Variants in SH2B1 observed in about 807,000 individuals in gnomAD.
SH2B1 encodes SH2B adaptor protein 1.
Under a neutral mutation model 62.6 loss-of-function variants are expected in SH2B1, and 15 were observed. The ratio of observed to expected loss-of-function variants is 0.24; its 90% confidence interval spans 0.16 to 0.37. The LOEUF (loss-of-function observed/expected upper bound fraction) is 0.37. Among genes scored for constraint, SH2B1 ranks in the 10% least tolerant of loss-of-function variants. The pLI is 1.00. For missense variants in SH2B1, 925 were observed against 1,015.6 expected, an observed-to-expected ratio of 0.91 and a Z score of 1.21; for synonymous variants, 443 against 438.0, an observed-to-expected ratio of 1.01 and a Z score of -0.14.
At chr16:28,862,232 C>T (rs1175397292), upstream of SH2B1, 1 of 152,224 alleles carries the variant, frequency 6.6e-6, no homozygotes, top group East Asian at 1.9e-4. Context: ...GATGTCTCTT[C>T]TTAGCTCCAG....
chr16:28,853,010 AT>A (rs1395391086), intron 1 of SH2B1, among the ~76,000 whole-genome samples: 997 of 89,896 alleles, frequency 0.011, 189 homozygotes, highest in African/African-American at 0.061. Context: ...ATGTACATAT[AT>A]ATTTATATAT....
In SH2B1 at chr16:28,864,653, C is replaced by T. The variant is rs951378033; in HGVS notation, c.-1442C>T. Reference sequence around the variant, plus strand: ...AGGCTTTCCTGAGCTGCTCTGGCCCCAGTCCTGGGGCTGTCACCTTCCAGT... The same window carrying T: ...AGGCTTTCCTGAGCTGCTCTGGCCCTAGTCCTGGGGCTGTCACCTTCCAGT... On this transcript the variant is annotated 5_prime_UTR_variant, in exon 1 of 8. Coordinates refer to ENST00000684370, the MANE Select transcript of SH2B1 (RefSeq NM_001387430.1). The T allele has an allele frequency of 3.9e-5, 38 of 985,292 alleles. No homozygotes were observed. The African/African-American group carries it at 5.2e-4, about 14-fold the overall frequency. 61.0% of individuals were successfully genotyped at this position (985,292 alleles called of 1,614,324 possible). A position where few individuals can be genotyped will look rare whatever the true frequency, so the allele number is the denominator to read the frequency against.
At chr16:28,860,957 C>T (rs1324314000), upstream of SH2B1, among the ~76,000 whole-genome samples, 19 of 151,828 alleles carry the variant, frequency 1.3e-4, no homozygotes, top group Non-Finnish European at 2.9e-5. Flanking sequence ...GCTGGGATTA[C>T]AGGCACGCGC....
rs914818365 is a variant in SH2B1, at chr16:28,867,557, C to A, written c.1041+125C>A. On this transcript the variant is annotated intron_variant, in intron 2 of 7. Transcript: ENST00000684370. ...GTGTCCAGTGCCTTGAGAGTGTGTC[C>A]CTGGGGCTGCAGCTTTTCTGGGATA... 4.3e-6 allele frequency: 3 copies of A among 702,658 alleles called. No homozygotes were observed. The African/African-American group carries it at 5.3e-5, about 12-fold the overall frequency. The allele number at this position is 702,658 out of a possible 1,614,324, so 43.5% of individuals were successfully genotyped here.
Position 28,866,606 on chromosome 16 carries a change from A to G in SH2B1, c.512A>G (p.Gln171Arg), listed in dbSNP as rs757189846. 1.2e-6 allele frequency: 2 copies of G among 1,613,964 alleles called. No homozygotes were observed. The highest frequency in any genetic ancestry group is 4.5e-5 in the East Asian group (2 of 44,856). The change falls in exon 1 of 8, where the codon CAG (glutamine) becomes CGG (arginine). Residue 171 changes from glutamine to arginine, a missense_variant. This residue lies in a region of SH2B1 where 683 missense variants were observed against 704.0 expected (regional missense o/e 0.97). Coordinates refer to ENST00000684370, the MANE Select transcript of SH2B1 (RefSeq NM_001387430.1). This position sits in a 1 kb window ranked among gnomAD's most constrained non-coding sequence, Gnocchi z 6.3. ...CGAGGCTCAGTCCGTGGCATCCTGC[A>G]GTGGCGGGGGACCGTTGACCCTCCC... ...SVRGSVRGIL[Q>R]WRGTVDPPSS...
At chr16:28,862,461 C>T (rs575904908), upstream of SH2B1, 1 of 152,142 alleles carries the variant, frequency 6.6e-6, no homozygotes, top group East Asian at 1.9e-4. Flanking sequence ...CCAAGCCCGG[C>T]TAAAATTTTT....
At chr16:28,855,906 C>G (rs1185551237) in intron 1 of SH2B1, among the ~76,000 whole-genome samples, 2 of 143,526 alleles carry the variant, frequency 1.4e-5, no homozygotes, top group East Asian at 4.4e-4. Context: ...CCGCCGACCT[C>G]GTGATCCGCC....
intron 1 of SH2B1, among the ~76,000 whole-genome samples, chr16:28,854,151 G>A (rs1962270516): frequency 6.6e-6 from 1 of 151,872 alleles, no homozygotes; most frequent in Admixed American, 6.6e-5. Flanking sequence ...AAATTAGCAG[G>A]GCATGGTGGC....
At chr16:28,852,297 TA>T (rs1239284705) in intron 1 of SH2B1, among the ~76,000 whole-genome samples, 133 of 89,826 alleles carry the variant, frequency 1.5e-3, no homozygotes, top group Non-Finnish European at 2.3e-3. Context: ...TACATATATA[TA>T]TTTACATATA....
rs1962647427 is a variant in SH2B1, at chr16:28,865,702, G to C, written c.-393G>C. On this transcript the variant is annotated 5_prime_UTR_variant, in exon 1 of 8. Coordinates refer to ENST00000684370, the MANE Select transcript of SH2B1 (RefSeq NM_001387430.1). Reference sequence around the variant, plus strand: ...AATATTGGAGGATCCGATGTAGAGGGGGGGTGATCTGGAAAAGTTCCCTTT... The same window carrying C: ...AATATTGGAGGATCCGATGTAGAGGCGGGGTGATCTGGAAAAGTTCCCTTT... 2 of 1,016,600 alleles carry C rather than the reference G, an allele frequency of 2.0e-6. No homozygotes were observed. The highest frequency in any genetic ancestry group is 2.3e-6 in the Non-Finnish European group (2 of 851,268). The allele number at this position is 1,016,600 out of a possible 1,614,324, so 63.0% of individuals were successfully genotyped here.
Position 28,865,059 on chromosome 16 carries a change from A to C in SH2B1, c.-1036A>C. On this transcript the variant is annotated 5_prime_UTR_variant, in exon 1 of 8. Coordinates refer to ENST00000684370, the MANE Select transcript of SH2B1 (RefSeq NM_001387430.1). Reference sequence around the variant, plus strand: ...GGTGGTTTGAGCCCTGGTCTGACTCAAGTCCATGGCCTTAACCAGAAGGCT... The same window carrying C: ...GGTGGTTTGAGCCCTGGTCTGACTCCAGTCCATGGCCTTAACCAGAAGGCT... 1.0e-6 allele frequency: 1 copy of C among 984,704 alleles called. No homozygotes were observed. The highest frequency in any genetic ancestry group is 1.2e-6 in the Non-Finnish European group (1 of 829,242). 61.0% of individuals were successfully genotyped at this position (984,704 alleles called of 1,614,324 possible).
chr16:28,874,111 AG>A lies in SH2B1; in HGVS notation c.*296del. 2.9e-6 allele frequency: 1 copy of A among 349,012 alleles called. No homozygotes were observed. The highest frequency in any genetic ancestry group is 5.1e-6 in the Non-Finnish European group (1 of 194,340). 21.6% of individuals were successfully genotyped at this position (349,012 alleles called of 1,614,324 possible). A position where few individuals can be genotyped will look rare whatever the true frequency, so the allele number is the denominator to read the frequency against. The stretch of plus-strand genomic sequence containing the variant: ...ACTACCCCCAGCCCGAGGCAGGGTG[AG>A]GGGGAAGGGCTGTCAGTTACATTAA... On this transcript the variant is annotated 3_prime_UTR_variant, in exon 8 of 8. Transcript: ENST00000684370.
upstream of SH2B1, chr16:28,862,919 T>C (rs949104679): frequency 1.3e-5 from 2 of 150,068 alleles, no homozygotes; most frequent in African/African-American, 4.9e-5. Context: ...CTCCCGGCCC[T>C]GACCTCATTT....
chr16:28,858,167 G>C (rs1962364557), intron 1 of SH2B1, among the ~76,000 whole-genome samples: 1 of 152,186 alleles, frequency 6.6e-6, no homozygotes, highest in Non-Finnish European at 1.5e-5. Context: ...CTGGTGACCA[G>C]GCCCTATCCT....
Position 28,863,929 on chromosome 16 carries a change from C to T in SH2B1, c.-2166C>T. On this transcript the variant is annotated 5_prime_UTR_variant, in exon 1 of 8. Transcript: ENST00000684370. The stretch of plus-strand genomic sequence containing the variant: ...CCGCCGCCGCCGCCGGAGCTAACCT[C>T]GGGGACCGAGATGCAGGTGGGACCG... The T allele has an allele frequency of 1.5e-5, 22 of 1,480,714 alleles. No individual in the cohort carries two copies. The highest frequency in any genetic ancestry group is 2.6e-5 in the South Asian group (2 of 76,968). The allele number at this position is 1,480,714 out of a possible 1,614,324, so 91.7% of individuals were successfully genotyped here.
chr16:28,872,668 C>G lies in SH2B1; in HGVS notation c.1860C>G (p.Val620=), dbSNP rs1567472233. 3 of 1,614,180 alleles carry G rather than the reference C, an allele frequency of 1.9e-6. No individual in the cohort carries two copies. The highest frequency in any genetic ancestry group is 1.7e-6 in the Non-Finnish European group (2 of 1,180,022). Residue 620 remains valine (V), a synonymous_variant, in exon 7 of 8, where the codon GTC becomes GTG. Transcript: ENST00000684370. The surrounding 1 kb of genome is among the most constrained non-coding windows in gnomAD (Gnocchi z 5.3). ...PLESGGSSDV[V]LVSYVPSSQR... ...AGTCGGGAGGCTCCAGTGATGTTGT[C>G]CTTGTCAGCTATGTCCCATCCTCCC...
Position 28,873,615 on chromosome 16 carries a change from C to T in SH2B1, c.2066C>T (p.Pro689Leu), listed in dbSNP as rs1235077749. The T allele has an allele frequency of 4.4e-5, 68 of 1,547,328 alleles. No individual in the cohort carries two copies. Among genetic ancestry groups the T allele is most frequent in the Non-Finnish European group, 5.5e-5 (63 of 1,145,560 alleles). Reference sequence around the variant, plus strand: ...GAGAAAGCGGGCGGTGGAGGGGTCCCGGAAGAGCTGGTCCCCGTGGTTGAG... The same window carrying T: ...GAGAAAGCGGGCGGTGGAGGGGTCCTGGAAGAGCTGGTCCCCGTGGTTGAG... ...EKEKAGGGGV[P>L]EELVPVVELV... Residue 689 changes from proline to leucine, a missense_variant, in exon 8 of 8, where the codon CCG (proline) becomes CTG (leucine). By Grantham distance (98) the Pro-to-Leu change is moderately conservative. Coordinates refer to ENST00000684370, the MANE Select transcript of SH2B1 (RefSeq NM_001387430.1). The surrounding 1 kb of genome is among the most constrained non-coding windows in gnomAD (Gnocchi z 4.2).
Position 28,873,036 on chromosome 16 carries a change from C to T in SH2B1, c.1897+331C>T. ...TCTTTGCCCTCCGTCGCAGCCTGGC[C>T]TTGGGCCTGCCCTTCCCGGGGACAC... On this transcript the variant is annotated intron_variant, in intron 7 of 7. Transcript: ENST00000684370. This position sits in a 1 kb window ranked among gnomAD's most constrained non-coding sequence, Gnocchi z 4.2. 1.4e-6 allele frequency: 1 copy of T among 695,638 alleles called. No homozygotes were observed. The highest frequency in any genetic ancestry group is 2.4e-6 in the Non-Finnish European group (1 of 420,740). 43.1% of individuals were successfully genotyped at this position (695,638 alleles called of 1,614,324 possible). A position where few individuals can be genotyped will look rare whatever the true frequency, so the allele number is the denominator to read the frequency against.
rs1487827336 is a variant in SH2B1 at position 28,865,487 on chromosome 16, A to G, written c.-608A>G. 5.1e-6 allele frequency: 5 copies of G among 985,610 alleles called. No homozygotes were observed. The highest frequency in any genetic ancestry group is 1.7e-5 in the African/African-American group (1 of 57,360). The allele number at this position is 985,610 out of a possible 1,614,324, so 61.1% of individuals were successfully genotyped here. On this transcript the variant is annotated 5_prime_UTR_variant, in exon 1 of 8. An upstream start codon of the reference 5' UTR is lost. Coordinates refer to ENST00000684370, the MANE Select transcript of SH2B1 (RefSeq NM_001387430.1). Reference sequence around the variant, plus strand: ...CTGCGAGCTGGGGCGGTGAGGTGCTATGGCTGAGGCTGGCCCAGCCGGGCC... The same window carrying G: ...CTGCGAGCTGGGGCGGTGAGGTGCTGTGGCTGAGGCTGGCCCAGCCGGGCC...
Sources: gnomAD v4.1 joint callset for allele counts (sites outside exome capture counted in the v4.1 genomes callset) on GRCh38, gnomAD v4.1.1 for gene constraint, gnomAD v4.1.1 regional missense constraint, Gnocchi (gnomAD v3.1) non-coding constraint, MANE v1.5 for transcripts, NCBI Gene and HGNC (gene_info 2026-07-23, HGNC 2026-07-21) for gene names.